Variants in DGKB observed in about 807,000 individuals in gnomAD.
DGKB encodes the protein diacylglycerol kinase beta.
In DGKB, 67 loss-of-function variants were observed where a neutral mutation model predicts 114.3. The observed-to-expected ratio is 0.59, with a 90% CI of 0.48 to 0.72. The LOEUF is 0.72. Ranked by LOEUF, DGKB falls within the 30% of genes least tolerant of loss-of-function variation. The pLI is 0.00. For missense variants in DGKB, 907 were observed against 975.2 expected, an observed-to-expected ratio of 0.93 and a Z score of 0.93; for synonymous variants, 398 against 323.1, an observed-to-expected ratio of 1.23 and a Z score of -2.49.
At chr7:14,812,104 T>C (rs992538059) in intron 2 of DGKB, among the ~76,000 whole-genome samples, 4 of 152,322 alleles carry the variant, frequency 2.6e-5, no homozygotes, top group African/African-American at 9.6e-5. Flanking sequence ...ATTCATGTTG[T>C]AGTATGTGTC....
intron 21 of DGKB, among the ~76,000 whole-genome samples, chr7:14,389,682 G>C (rs994170684): frequency 1.3e-5 from 2 of 152,194 alleles, no homozygotes; most frequent in African/African-American, 2.4e-5. Flanking sequence ...CTGGTTGTTT[G>C]GTCGATTCTG....
intron 21 of DGKB, among the ~76,000 whole-genome samples, chr7:14,393,710 C>T (rs1044061354): frequency 3.9e-5 from 6 of 152,128 alleles, no homozygotes; most frequent in Non-Finnish European, 7.4e-5. Flanking sequence ...ATCTATTTAA[C>T]TATCTTATTA....
chr7:14,502,404 C>G (rs1418390093), intron 20 of DGKB, among the ~76,000 whole-genome samples: 1 of 151,964 alleles, frequency 6.6e-6, no homozygotes, highest in African/African-American at 2.4e-5. Flanking sequence ...AAACATCCAG[C>G]TATGCACTTT....
At chr7:14,424,595 A>G (rs1827220250) in intron 21 of DGKB, among the ~76,000 whole-genome samples, 1 of 152,140 alleles carries the variant, frequency 6.6e-6, no homozygotes, top group Non-Finnish European at 1.5e-5. Context: ...ACTGAGAGGT[A>G]GGTTTTATTA....
intron 13 of DGKB, among the ~76,000 whole-genome samples, chr7:14,648,789 G>C (rs924580935): frequency 2.1e-5 from 3 of 139,606 alleles, no homozygotes; most frequent in African/African-American, 7.9e-5. Flanking sequence ...CCAATACAGA[G>C]AAGTGCTTAA....
intron 23 of DGKB, among the ~76,000 whole-genome samples, chr7:14,270,056 A>G (rs1005826090): frequency 0.02 from 2,954 of 146,390 alleles, 27 homozygotes; most frequent in African/African-American, 0.072. Context: ...TGCAAAAAAA[A>G]AAAAAAAAAA....
At chr7:14,159,270 A>T (rs1227613988) in intron 25 of DGKB, among the ~76,000 whole-genome samples, 2 of 152,080 alleles carry the variant, frequency 1.3e-5, no homozygotes, top group East Asian at 3.9e-4. Flanking sequence ...TTTTCTCTGC[A>T]TAAGACACTC....
At chr7:14,432,602 G>A (rs1479125322) in intron 21 of DGKB, among the ~76,000 whole-genome samples, 1 of 152,158 alleles carries the variant, frequency 6.6e-6, no homozygotes, top group Admixed American at 6.6e-5. Flanking sequence ...TATCCACAAG[G>A]TTTTCTGGCT....
chr7:14,718,412 A>T (rs1347281099), intron 6 of DGKB, 130 bp downstream of exon 6: 1 of 669,318 alleles, frequency 1.5e-6, no homozygotes, highest in Non-Finnish European at 2.3e-6. Context: ...GGAAATTTTT[A>T]CTATTAAGCA....
At chr7:14,332,497 G>A (rs1412233898) in intron 23 of DGKB, among the ~76,000 whole-genome samples, 1 of 152,154 alleles carries the variant, frequency 6.6e-6, no homozygotes, top group Non-Finnish European at 1.5e-5. Context: ...CTAAACTTTA[G>A]TCTTTCTGGC....
intron 17 of DGKB, among the ~76,000 whole-genome samples, chr7:14,595,321 C>T (rs1244707372): frequency 6.6e-6 from 1 of 151,646 alleles, no homozygotes; most frequent in Non-Finnish European, 1.5e-5. Flanking sequence ...TTTTATTCAT[C>T]AAGTTAGAGA....
intron 21 of DGKB, among the ~76,000 whole-genome samples, chr7:14,419,449 T>A (rs1356998127): frequency 1.3e-5 from 2 of 151,972 alleles, no homozygotes; most frequent in Non-Finnish European, 2.9e-5. Context: ...AGATCATTAC[T>A]CCTTTTGGGC....
At chr7:14,825,016 G>GTATATATATATATATATATA (rs67135250) in intron 2 of DGKB, among the ~76,000 whole-genome samples, 2 of 92,380 alleles carry the variant, frequency 2.2e-5, no homozygotes, top group Non-Finnish European at 4.7e-5. Context: ...GTATGTGTAT[G>GTATATATATATATATATATA]TATATATATA....
intron 23 of DGKB, among the ~76,000 whole-genome samples, chr7:14,248,082 C>A: frequency 6.6e-6 from 1 of 152,080 alleles, no homozygotes; most frequent in Admixed American, 6.5e-5. Flanking sequence ...GTCCAGGTTT[C>A]CCAACACCAT....
intron 21 of DGKB, among the ~76,000 whole-genome samples, chr7:14,438,989 CT>C (rs34850004): frequency 0.35 from 52,447 of 148,620 alleles, 9,442 homozygotes; most frequent in South Asian, 0.42. Context: ...GGGAAGCCTC[CT>C]TTTTTTTTTC....
intron 20 of DGKB, among the ~76,000 whole-genome samples, chr7:14,481,799 T>TA (rs1783027647): frequency 6.6e-6 from 1 of 151,990 alleles, no homozygotes; most frequent in South Asian, 2.1e-4. Context: ...TGTAATTTAC[T>TA]AAAAAGTTTC....
chr7:14,515,062 T>C (rs1034778371), intron 20 of DGKB, among the ~76,000 whole-genome samples: 1 of 151,990 alleles, frequency 6.6e-6, no homozygotes, highest in African/African-American at 2.4e-5. Context: ...AAAAGGAAAC[T>C]AAGGGTTAGT....
intron 21 of DGKB, among the ~76,000 whole-genome samples, chr7:14,379,716 C>T (rs1428911038): frequency 2.0e-5 from 3 of 152,106 alleles, no homozygotes; most frequent in African/African-American, 4.8e-5. Context: ...CGTGCCACCA[C>T]GCCAGCTAAT....
chr7:14,782,026 ATT>A (rs1839175591), intron 2 of DGKB, among the ~76,000 whole-genome samples: 1 of 152,054 alleles, frequency 6.6e-6, no homozygotes, highest in Non-Finnish European at 1.5e-5. Context: ...AATTGATGGA[ATT>A]ATTTTATTTC....
Sources: allele counts gnomAD v4.1 joint callset (sites outside exome capture counted in the v4.1 genomes callset), GRCh38; gene constraint gnomAD v4.1.1; transcripts MANE v1.5; gene names NCBI Gene and HGNC (gene_info 2026-07-23, HGNC 2026-07-21).